The following WDR7 variants were observed in gnomAD, a reference collection of about 807,000 sequenced individuals.
The protein encoded by WDR7 is WD repeat domain 7, also known as WD repeat-containing protein 7.
WDR7 carries 46 observed loss-of-function variants against 169.4 expected under a neutral mutation model. The observed-to-expected ratio is 0.27, with a 90% CI of 0.21 to 0.35. The LOEUF is 0.35. WDR7 is among the 10% of genes least tolerant of loss of function. WDR7 has a pLI of 1.00. For missense variants in WDR7, 1,534 were observed against 1,859.3 expected, an observed-to-expected ratio of 0.83 and a Z score of 3.22; for synonymous variants, 612 against 666.8, an observed-to-expected ratio of 0.92 and a Z score of 1.27.
At chr18:57,002,457 A>T (rs2047996904) in intron 26 of WDR7, among the ~76,000 whole-genome samples, 1 of 152,202 alleles carries the variant, frequency 6.6e-6, no homozygotes, top group Non-Finnish European at 1.5e-5. Flanking sequence ...CATTTTTGTT[A>T]AGTATCCAGG....
intron 21 of WDR7, among the ~76,000 whole-genome samples, chr18:56,884,563 A>G (rs2046160090): frequency 6.6e-6 from 1 of 152,118 alleles, no homozygotes; most frequent in Non-Finnish European, 1.5e-5. Flanking sequence ...GTTCTTGGTC[A>G]TGAAGTCTTT....
intron 20 of WDR7, among the ~76,000 whole-genome samples, chr18:56,828,534 T>G (rs576531833): frequency 1.3e-5 from 2 of 152,208 alleles, no homozygotes; most frequent in Non-Finnish European, 2.9e-5. Context: ...ACAAGACGGA[T>G]ATGGTCCATG....
At chr18:56,676,112 C>T (rs507764) in intron 2 of WDR7, among the ~76,000 whole-genome samples, 139,719 of 152,256 alleles carry the variant, frequency 0.92, 65,286 homozygotes, top group East Asian at 1. Flanking sequence ...TTGACTCCTT[C>T]ATTATTATAT....
chr18:56,939,973 A>T (rs891514620), intron 25 of WDR7, among the ~76,000 whole-genome samples: 2 of 151,514 alleles, frequency 1.3e-5, no homozygotes, highest in East Asian at 3.9e-4. Context: ...TTATTATAGC[A>T]TGAAGGGGTA....
intron 12 of WDR7, among the ~76,000 whole-genome samples, chr18:56,706,692 T>C (rs1306645687): frequency 2.6e-5 from 4 of 152,176 alleles, no homozygotes; most frequent in Non-Finnish European, 5.9e-5. Context: ...TATTTTTATT[T>C]TTATTTTTTT....
intron 14 of WDR7, among the ~76,000 whole-genome samples, chr18:56,738,224 A>T (rs986389489): frequency 6.6e-6 from 1 of 152,214 alleles, no homozygotes; most frequent in African/African-American, 2.4e-5. Flanking sequence ...TAAAATAATC[A>T]TGATCTTCTA....
intron 26 of WDR7, among the ~76,000 whole-genome samples, chr18:57,014,727 A>G (rs187049768): frequency 5.9e-5 from 9 of 152,310 alleles, no homozygotes; most frequent in Admixed American, 5.9e-4. Flanking sequence ...GACCTCAAAG[A>G]TACCATCCAA....
At chr18:57,014,076 A>T (rs974692586) in intron 26 of WDR7, among the ~76,000 whole-genome samples, 2 of 152,170 alleles carry the variant, frequency 1.3e-5, no homozygotes, top group Non-Finnish European at 2.9e-5. Flanking sequence ...CTATAATCCC[A>T]GCACTTTGAG....
chr18:56,674,117 T>A (rs1263384731), intron 2 of WDR7, among the ~76,000 whole-genome samples: 9 of 152,204 alleles, frequency 5.9e-5, no homozygotes, highest in Non-Finnish European at 1.2e-4. Context: ...TGTGGACACA[T>A]GATTTCAGTG....
At chr18:56,851,009 G>T (rs2045632107) in intron 20 of WDR7, among the ~76,000 whole-genome samples, 1 of 151,978 alleles carries the variant, frequency 6.6e-6, no homozygotes, top group African/African-American at 2.4e-5. Context: ...CTCCATTCCT[G>T]CAGCCCATTC....
intron 20 of WDR7, among the ~76,000 whole-genome samples, chr18:56,832,234 C>T (rs114530563): frequency 0.02 from 3,004 of 152,242 alleles, 96 homozygotes; most frequent in African/African-American, 0.066. Flanking sequence ...GAAGCTTGGA[C>T]TGGGCGGAGC....
chr18:56,739,739 T>C (rs192298748), intron 14 of WDR7, among the ~76,000 whole-genome samples: 10 of 151,868 alleles, frequency 6.6e-5, no homozygotes, highest in Admixed American at 6.5e-4. Context: ...TTCATTATCT[T>C]CTCATTTCCA....
At chr18:56,890,214 G>A (rs2046246363) in intron 21 of WDR7, among the ~76,000 whole-genome samples, 1 of 152,142 alleles carries the variant, frequency 6.6e-6, no homozygotes, top group African/African-American at 2.4e-5. Flanking sequence ...CCACTAAATG[G>A]AAGCCTCAAT....
At chr18:56,833,711 A>G (rs1168591207) in intron 20 of WDR7, among the ~76,000 whole-genome samples, 2 of 152,158 alleles carry the variant, frequency 1.3e-5, no homozygotes, top group African/African-American at 4.8e-5. Flanking sequence ...TAGTTTCTTA[A>G]AGTTGGAAAG....
At chr18:56,823,585 C>CT (rs2045141187) in intron 20 of WDR7, among the ~76,000 whole-genome samples, 1 of 152,074 alleles carries the variant, frequency 6.6e-6, no homozygotes, top group African/African-American at 2.4e-5. Context: ...GACTCCGTCT[C>CT]TCAAACAAAC....
At chr18:56,673,446 C>T (rs2025178506) in intron 2 of WDR7, among the ~76,000 whole-genome samples, 1 of 152,104 alleles carries the variant, frequency 6.6e-6, no homozygotes, top group South Asian at 2.1e-4. Flanking sequence ...CACGTTTTGA[C>T]GTTTCTTAGT....
chr18:56,754,745 G>A (rs2043856943), intron 14 of WDR7, among the ~76,000 whole-genome samples: 2 of 151,940 alleles, frequency 1.3e-5, no homozygotes, highest in African/African-American at 2.4e-5. Flanking sequence ...TAAAATATTC[G>A]ATACAGTTTC....
In WDR7 at chr18:56,879,958, G is replaced by A. The variant is rs754456662; in HGVS notation, c.3319G>A (p.Val1107Ile). ...TTGGTCTTCAGGTTGCTTATCAAGTGTCCCACAAATGAAAAAAATTTCTAC... is the reference window on the plus strand; with the variant it reads ...TTGGTCTTCAGGTTGCTTATCAAGTATCCCACAAATGAAAAAAATTTCTAC... ...DDITTGCLSSVPQMKKISTSY... is the reference protein window; with the variant it reads ...DDITTGCLSSIPQMKKISTSY... Residue 1107 changes from valine (V) to isoleucine (I), a missense_variant, in exon 21 of 28, where the codon GTC becomes ATC. Val to Ile is a conservative substitution (Grantham distance 29, BLOSUM62 3). Transcript: ENST00000254442. 6.2e-7 allele frequency: 1 copy of A among 1,613,652 alleles called. No individual in the cohort carries two copies. The highest frequency in any genetic ancestry group is 1.1e-5 in the South Asian group (1 of 91,014).
At chr18:57,006,907 G>A (rs946797122) in intron 26 of WDR7, among the ~76,000 whole-genome samples, 1 of 151,818 alleles carries the variant, frequency 6.6e-6, no homozygotes, top group Non-Finnish European at 1.5e-5. Context: ...ATGTGTGTAT[G>A]TATGTATACA....
Sources: allele counts gnomAD v4.1 joint callset (sites outside exome capture counted in the v4.1 genomes callset), GRCh38; gene constraint gnomAD v4.1.1; transcripts MANE v1.5; gene names NCBI Gene and HGNC (gene_info 2026-07-23, HGNC 2026-07-21).